RABGAP1L: variants seen among roughly 807,000 people sequenced by gnomAD.
RABGAP1L encodes RAB GTPase activating protein 1 like.
Under a neutral mutation model 137.7 loss-of-function variants are expected in RABGAP1L, and 63 were observed. That is an observed-to-expected ratio of 0.46 (90% CI 0.37 to 0.56). The LOEUF (loss-of-function observed/expected upper bound fraction) is 0.56, where lower values mean the gene tolerates loss of function less well. RABGAP1L is among the 20% of genes least tolerant of loss of function. The pLI is 0.00. For missense variants in RABGAP1L, 1,095 were observed against 1,244.0 expected (o/e 0.88, Z 1.80); for synonymous variants, 431 against 433.7 (o/e 0.99, Z 0.08).
chr1:174,405,869 T>C (rs1007074044), intron 13 of RABGAP1L, among the ~76,000 whole-genome samples: 2 of 152,084 alleles, frequency 1.3e-5, no homozygotes, highest in South Asian at 2.1e-4. Flanking sequence ...TCCCAGCTAC[T>C]TGGGAGGCTG....
intron 20 of RABGAP1L, among the ~76,000 whole-genome samples, chr1:174,965,385 A>G (rs1162726536): frequency 2.0e-5 from 3 of 152,204 alleles, no homozygotes; most frequent in Non-Finnish European, 2.9e-5. Context: ...TCTGTCTTCC[A>G]TGGGCAACCC....
At chr1:174,616,832 C>T (rs1377253126) in intron 13 of RABGAP1L, among the ~76,000 whole-genome samples, 1 of 152,184 alleles carries the variant, frequency 6.6e-6, no homozygotes, top group Non-Finnish European at 1.5e-5. Context: ...CTGGTGGCTA[C>T]ATAGACACTT....
intron 14 of RABGAP1L, among the ~76,000 whole-genome samples, chr1:174,673,148 A>G (rs1282476986): frequency 3.3e-5 from 5 of 152,176 alleles, no homozygotes; most frequent in Non-Finnish European, 7.3e-5. Context: ...AAAAGTACAA[A>G]TTAAGCAATC....
At chr1:174,410,160 C>A (rs1649754087) in intron 13 of RABGAP1L, among the ~76,000 whole-genome samples, 1 of 152,146 alleles carries the variant, frequency 6.6e-6, no homozygotes, top group Non-Finnish European at 1.5e-5. Flanking sequence ...CTGTGTCACC[C>A]CTGGAGGCCC....
In RABGAP1L at chr1:174,652,553, C is replaced by T. The variant is rs190185861; in HGVS notation, c.1824+15065C>T. 5.1e-4 allele frequency among the ~76,000 whole-genome samples: 78 copies of T among 152,234 alleles called. 1 individual carries two copies. Among genetic ancestry groups the T allele is most frequent in the East Asian group, 3.5e-3 (18 of 5,180 alleles). ...GTTTGTTAGTTTTCCTCTAACAGGC[C>T]CCTCTGCTACAGGTCTGCTGGAGTT... On this transcript the variant is annotated intron_variant, in intron 14 of 25. Coordinates refer to ENST00000681986, the MANE Select transcript of RABGAP1L (RefSeq NM_001366446.1).
At chr1:174,416,154 G>C (rs1650567154) in intron 13 of RABGAP1L, among the ~76,000 whole-genome samples, 1 of 151,012 alleles carries the variant, frequency 6.6e-6, no homozygotes, top group Admixed American at 6.6e-5. Flanking sequence ...AAAATAGATT[G>C]AGCTTAATAC....
chr1:174,551,875 A>G (rs1666569846), intron 13 of RABGAP1L, among the ~76,000 whole-genome samples: 1 of 152,190 alleles, frequency 6.6e-6, no homozygotes, highest in Admixed American at 6.5e-5. Flanking sequence ...TCCTGCAGCC[A>G]TTAAAAAGTT....
chr1:174,950,510 G>A (rs562332316), intron 19 of RABGAP1L, among the ~76,000 whole-genome samples: 1 of 152,200 alleles, frequency 6.6e-6, no homozygotes, highest in African/African-American at 2.4e-5. Flanking sequence ...CTTTTCATCT[G>A]TTTCTTCTCG....
chr1:174,398,380 C>T (rs759303031), intron 13 of RABGAP1L, among the ~76,000 whole-genome samples: 29 of 152,054 alleles, frequency 1.9e-4, no homozygotes, highest in African/African-American at 5.6e-4. Flanking sequence ...ATCACATGGT[C>T]GGTCTTTGTG....
intron 19 of RABGAP1L, among the ~76,000 whole-genome samples, chr1:174,888,579 G>A (rs537794686): frequency 2.2e-4 from 33 of 151,802 alleles, no homozygotes; most frequent in African/African-American, 4.8e-4. Flanking sequence ...TCACTGTGTC[G>A]CCCAGGCTGG....
At chr1:174,264,217 T>C (rs926026401) in intron 7 of RABGAP1L, among the ~76,000 whole-genome samples, 2 of 152,098 alleles carry the variant, frequency 1.3e-5, no homozygotes, top group Non-Finnish European at 2.9e-5. Flanking sequence ...CCTGGTATTT[T>C]TTAAATTTTG....
intron 13 of RABGAP1L, among the ~76,000 whole-genome samples, chr1:174,492,913 A>G (rs1660401095): frequency 6.6e-6 from 1 of 151,630 alleles, no homozygotes; most frequent in Non-Finnish European, 1.5e-5. Flanking sequence ...TTTTGTTTCC[A>G]TAGCACCTTG....
intron 13 of RABGAP1L, among the ~76,000 whole-genome samples, chr1:174,635,006 A>C (rs1160960997): frequency 1.3e-5 from 2 of 151,046 alleles, no homozygotes; most frequent in Admixed American, 6.6e-5. Context: ...CACAATGTGC[A>C]CATGTACCCT....
chr1:174,687,237 C>T (rs902628727), intron 15 of RABGAP1L, among the ~76,000 whole-genome samples: 4 of 152,124 alleles, frequency 2.6e-5, no homozygotes, highest in Middle Eastern at 3.4e-3. Flanking sequence ...ATAAGGGCCA[C>T]GTAGTGAGTC....
chr1:174,666,633 C>A lies in RABGAP1L; in HGVS notation c.1825-16889C>A, dbSNP rs573731584. On this transcript the variant is annotated intron_variant, in intron 14 of 25. Coordinates refer to ENST00000681986, the MANE Select transcript of RABGAP1L (RefSeq NM_001366446.1). The stretch of plus-strand genomic sequence containing the variant: ...TTGTTAGAGAACATCCTTTGATTTC[C>A]CTTTTCATTCTTTCTGTGAGTCTGA... Among the ~76,000 whole-genome samples the A allele has an allele frequency of 4.9e-4, 74 of 152,180 alleles. No individual in the cohort carries two copies. The South Asian group carries it at 0.012, about 26-fold the overall frequency.
At chr1:174,645,571 A>G (rs2148369290) in intron 14 of RABGAP1L, among the ~76,000 whole-genome samples, 1 of 152,260 alleles carries the variant, frequency 6.6e-6, no homozygotes, top group South Asian at 2.1e-4. Flanking sequence ...ATGGCTGCAT[A>G]GTATTCCATG....
chr1:174,924,881 A>G (rs966805783), intron 19 of RABGAP1L, among the ~76,000 whole-genome samples: 5 of 152,212 alleles, frequency 3.3e-5, no homozygotes, highest in African/African-American at 9.6e-5. Flanking sequence ...AGTACTGTAT[A>G]TTAGAAGATA....
At chr1:174,295,635 C>T (rs969913314) in intron 10 of RABGAP1L, among the ~76,000 whole-genome samples, 3 of 150,806 alleles carry the variant, frequency 2.0e-5, no homozygotes, top group Non-Finnish European at 3.0e-5. Flanking sequence ...GCACCTGCCT[C>T]GGCCTCCCAA....
chr1:174,938,855 C>T (rs57753240), intron 19 of RABGAP1L, among the ~76,000 whole-genome samples: 1,773 of 152,246 alleles, frequency 0.012, 50 homozygotes, highest in African/African-American at 0.041. Context: ...TTGAAATACA[C>T]ATTTTCCCAT....
Sources: gnomAD v4.1 joint callset for allele counts (sites outside exome capture counted in the v4.1 genomes callset) on GRCh38, gnomAD v4.1.1 for gene constraint, MANE v1.5 for transcripts, NCBI Gene and HGNC (gene_info 2026-07-23, HGNC 2026-07-21) for gene names.